UQCRC2: variants seen among roughly 807,000 people sequenced by gnomAD.
UQCRC2 encodes the protein ubiquinol-cytochrome c reductase core protein 2.
A neutral mutation model predicts 55.6 loss-of-function variants in UQCRC2; 49 were observed. The ratio of observed to expected loss-of-function variants is 0.88; its 90% CI spans 0.70 to 1.12. The LOEUF (loss-of-function observed/expected upper bound fraction) is 1.12, where lower values mean the gene tolerates loss of function less well. Ranked by LOEUF, UQCRC2 falls within the 50% of genes most tolerant of loss-of-function variation. The pLI is 0.00. For missense variants in UQCRC2, 506 were observed against 547.8 expected, an observed-to-expected ratio of 0.92 and a Z score of 0.76; for synonymous variants, 193 against 192.0, an observed-to-expected ratio of 1.01 and a Z score of -0.04.
In UQCRC2 at chr16:21,957,305, C is replaced by T. The variant is rs757719219; in HGVS notation, c.104C>T (p.Pro35Leu). ...TAAPAGAPPQ[P>L]QDLEFTKLPN... Reference sequence around the variant, plus strand: ...GCGCCTGCAGGAGCACCGCCACAACCTCAGGACCTTGAGGTTAGTCCCACT... The same window carrying T: ...GCGCCTGCAGGAGCACCGCCACAACTTCAGGACCTTGAGGTTAGTCCCACT... The change falls in exon 2 of 14, where the codon CCT (proline) becomes CTT (leucine). Residue 35 changes from proline to leucine, a missense_variant. Coordinates refer to ENST00000268379, the MANE Select transcript of UQCRC2 (RefSeq NM_003366.4). 8 of 1,614,084 alleles carry T rather than the reference C, an allele frequency of 5.0e-6. No homozygotes were observed. Among genetic ancestry groups the T allele is most frequent in the Admixed American group, 1.7e-5 (1 of 60,014 alleles).
chr16:21,972,292 C>T (rs1010266124), intron 10 of UQCRC2, among the ~76,000 whole-genome samples, 170 bp downstream of exon 10: 19 of 152,220 alleles, frequency 1.2e-4, no homozygotes, highest in Admixed American at 1.1e-3. Flanking sequence ...ATCAAAAACT[C>T]ACTGGCTTTT....
At position 21,971,612 on chromosome 16, in the gene UQCRC2, AC is replaced by A; in HGVS notation, c.760del (p.Arg254ValfsTer19). 2 of 1,613,944 alleles carry A rather than the reference AC, an allele frequency of 1.2e-6. No homozygotes were observed. Among genetic ancestry groups the A allele is most frequent in the African/African-American group, 2.7e-5 (2 of 75,022 alleles). ...GGTTTATCTGGTGCAAAGGCCAACT[AC>A]CGTGGAGGTAAGCATTTCATTCTAT... ...GLGLSGAKAN[Y>X]RGGEIREQNG... On this transcript the variant is annotated frameshift_variant, in exon 9 of 14. Transcript: ENST00000268379. LOFTEE classifies it high-confidence loss of function.
At chr16:21,980,044 C>T (rs1898678896) in intron 12 of UQCRC2, among the ~76,000 whole-genome samples, 1 of 152,168 alleles carries the variant, frequency 6.6e-6, no homozygotes, top group Non-Finnish European at 1.5e-5. Flanking sequence ...ATAACCTGGG[C>T]CAAGCTATGA....
chr16:21,975,725 A>G (rs1393578441), intron 11 of UQCRC2, among the ~76,000 whole-genome samples: 2 of 152,218 alleles, frequency 1.3e-5, no homozygotes, highest in African/African-American at 4.8e-5. Context: ...AAGAGATAGC[A>G]GTATTAATGG....
Position 21,962,844 on chromosome 16 carries a change from TA to T in UQCRC2, c.476del (p.Lys159ArgfsTer42). On this transcript the variant is annotated frameshift_variant, in exon 6 of 14. Coordinates refer to ENST00000268379, the MANE Select transcript of UQCRC2 (RefSeq NM_003366.4). LOFTEE classifies it high-confidence loss of function. ...GAAGTAGCTGACCTTCAGCCTCAGC[TA>T]AAGATTGACAAAGCTGTGGCCTTTC... ...RWEVADLQPQ[L>X]KIDKAVAFQN... 6.2e-7 allele frequency: 1 copy of T among 1,614,120 alleles called. No homozygotes were observed. The highest frequency in any genetic ancestry group is 1.1e-5 in the South Asian group (1 of 91,086).
chr16:21,977,857 A>G lies in UQCRC2; in HGVS notation c.1124+1614A>G, dbSNP rs376100920. The stretch of plus-strand genomic sequence containing the variant: ...TTGTTAGTTTTGTTATGCTGAGCAC[A>G]CTACAAAGTTGCATCTCTTGTATAA... On this transcript the variant is annotated intron_variant, in intron 12 of 13. Transcript: ENST00000268379. 4.6e-5 allele frequency among the ~76,000 whole-genome samples: 7 copies of G among 152,326 alleles called. No individual in the cohort carries two copies. The South Asian group carries it at 1.4e-3, about 32-fold the overall frequency.
intron 12 of UQCRC2, 87 bp downstream of exon 12, chr16:21,976,330 T>C: frequency 8.8e-7 from 1 of 1,138,626 alleles, no homozygotes; most frequent in South Asian, 1.3e-5. Context: ...CAATCTATGC[T>C]CATAAGGACT....
At chr16:21,964,864 A>G (rs1597956337) in intron 6 of UQCRC2, among the ~76,000 whole-genome samples, 2 of 152,232 alleles carry the variant, frequency 1.3e-5, no homozygotes, top group African/African-American at 4.8e-5. Context: ...GTTGCCAGGT[A>G]ATGAGCAACT....
chr16:21,955,004 G>T (rs1898065959), intron 1 of UQCRC2, among the ~76,000 whole-genome samples: 1 of 136,842 alleles, frequency 7.3e-6, no homozygotes, highest in African/African-American at 2.8e-5. Flanking sequence ...GCAGTGAGCC[G>T]AGATCGCACC....
At chr16:21,967,896 A>G (rs1251879057) in intron 7 of UQCRC2, among the ~76,000 whole-genome samples, 7 of 152,300 alleles carry the variant, frequency 4.6e-5, no homozygotes, top group African/African-American at 7.2e-5. Flanking sequence ...CTACTTATAT[A>G]AACACAAAAG....
At chr16:21,971,668 C>T in intron 9 of UQCRC2, 48 bp downstream of exon 9, 2 of 1,573,588 alleles carry the variant, frequency 1.3e-6, no homozygotes, top group Non-Finnish European at 1.7e-6. Flanking sequence ...GGGCGTTTCC[C>T]CACTAGAATA....
intron 6 of UQCRC2, among the ~76,000 whole-genome samples, chr16:21,965,185 T>C (rs1402280285): frequency 6.6e-6 from 1 of 152,234 alleles, no homozygotes; most frequent in African/African-American, 2.4e-5. Flanking sequence ...CTCCAGTATA[T>C]AGAAGCTGCT....
At chr16:21,962,435 T>C in intron 4 of UQCRC2, 25 bp from the exon 5 acceptor site, 1 of 1,613,646 alleles carries the variant, frequency 6.2e-7, no homozygotes. Context: ...TCAGATGATT[T>C]ACTCTAGTTT....
chr16:21,956,677 A>T (rs1044802505), intron 1 of UQCRC2, among the ~76,000 whole-genome samples: 1 of 152,228 alleles, frequency 6.6e-6, no homozygotes, highest in African/African-American at 2.4e-5. Context: ...TACATCATTT[A>T]AAAAATAAGC....
chr16:21,970,830 C>T (rs1898442094), intron 8 of UQCRC2, among the ~76,000 whole-genome samples: 1 of 152,168 alleles, frequency 6.6e-6, no homozygotes, highest in East Asian at 1.9e-4. Context: ...AGGTGATCCA[C>T]TTGCCTCGGC....
intron 8 of UQCRC2, among the ~76,000 whole-genome samples, chr16:21,969,190 T>C (rs1344817626): frequency 6.6e-6 from 1 of 152,152 alleles, no homozygotes; most frequent in Admixed American, 6.6e-5. Flanking sequence ...AAATTGTTAG[T>C]AGGAATATAA....
intron 10 of UQCRC2, among the ~76,000 whole-genome samples, chr16:21,973,399 C>T (rs1471782135): frequency 6.6e-6 from 1 of 152,110 alleles, no homozygotes; most frequent in Non-Finnish European, 1.5e-5. Context: ...ATAACAATAT[C>T]CCTGTTATTC....
intron 1 of UQCRC2, among the ~76,000 whole-genome samples, chr16:21,956,251 T>C (rs1898084499): frequency 6.6e-6 from 1 of 152,120 alleles, no homozygotes; most frequent in Non-Finnish European, 1.5e-5. Context: ...CTATAAAAGG[T>C]TGTGGACACA....
At chr16:21,961,586 C>G (rs1239208346) in intron 4 of UQCRC2, 1 of 134,310 alleles carries the variant, frequency 7.4e-6, no homozygotes, top group Non-Finnish European at 1.6e-5. Flanking sequence ...CTTTATTTGC[C>G]ATTTTAAAAA....
Sources: allele counts gnomAD v4.1 joint callset (sites outside exome capture counted in the v4.1 genomes callset), GRCh38; gene constraint gnomAD v4.1.1; transcripts MANE v1.5; gene names NCBI Gene and HGNC (gene_info 2026-07-23, HGNC 2026-07-21).